KCNAB1: variants seen among roughly 807,000 people sequenced by gnomAD.
KCNAB1 encodes potassium voltage-gated channel subfamily A regulatory beta subunit 1.
Under a neutral mutation model 64.6 loss-of-function variants are expected in KCNAB1, and 35 were observed. The ratio of observed to expected loss-of-function variants is 0.54; its 90% CI spans 0.41 to 0.72. The LOEUF (loss-of-function observed/expected upper bound fraction) is 0.72, where lower values mean the gene tolerates loss of function less well. KCNAB1 is among the 30% of genes least tolerant of loss of function. The pLI, the probability that KCNAB1 is intolerant of heterozygous loss-of-function variation, is 0.00. For missense variants in KCNAB1, 401 were observed against 512.9 expected, an observed-to-expected ratio of 0.78 and a Z score of 2.11; for synonymous variants, 177 against 183.8, an observed-to-expected ratio of 0.96 and a Z score of 0.30.
intron 1 of KCNAB1, among the ~76,000 whole-genome samples, chr3:156,197,161 C>T (rs917787682): frequency 1.3e-5 from 2 of 152,132 alleles, no homozygotes; most frequent in African/African-American, 2.4e-5. Context: ...CTGACTTGAT[C>T]GTGATGGATA....
intron 1 of KCNAB1, among the ~76,000 whole-genome samples, chr3:156,218,413 T>G (rs1715460988): frequency 6.6e-6 from 1 of 152,190 alleles, no homozygotes; most frequent in Admixed American, 6.5e-5. Flanking sequence ...CTACCTGCCC[T>G]GGCAGCTGAA....
At chr3:156,406,377 A>G (rs554591056) in intron 1 of KCNAB1, among the ~76,000 whole-genome samples, 1 of 152,238 alleles carries the variant, frequency 6.6e-6, no homozygotes, top group South Asian at 2.1e-4. Flanking sequence ...AGAAGCACGC[A>G]AGCTTGTGGG....
intron 1 of KCNAB1, among the ~76,000 whole-genome samples, chr3:156,128,419 A>T (rs1262433002): frequency 2.0e-5 from 3 of 152,220 alleles, no homozygotes; most frequent in Non-Finnish European, 4.4e-5. Context: ...TGATTTTCAA[A>T]GTGTGTTATT....
intron 1 of KCNAB1, among the ~76,000 whole-genome samples, chr3:156,245,038 G>T (rs1326405833): frequency 6.6e-6 from 1 of 152,172 alleles, no homozygotes; most frequent in Non-Finnish European, 1.5e-5. Context: ...TTCTAAAAGG[G>T]TCATTATCAG....
intron 1 of KCNAB1, among the ~76,000 whole-genome samples, chr3:156,156,282 T>C (rs1715713359): frequency 1.3e-5 from 2 of 150,054 alleles, no homozygotes; most frequent in African/African-American, 4.8e-5. Flanking sequence ...AATAGGCACA[T>C]TGTACAAAAA....
chr3:156,523,611 T>C lies in KCNAB1; in HGVS notation c.961-216T>C, dbSNP rs533594165. 232 of 494,130 alleles carry C rather than the reference T, an allele frequency of 4.7e-4. 3 individuals are homozygous for C. In the South Asian group the frequency reaches 5.7e-3, roughly 12 times the overall value. The allele number at this position is 494,130 out of a possible 1,614,324, so 30.6% of individuals were successfully genotyped here. A position where few individuals can be genotyped will look rare whatever the true frequency, so the allele number is the denominator to read the frequency against. ...TGTGCAGGCTGATCAATTTGAATGGTGAATATTAGTCAAAATCAATCTGTT... is the reference window on the plus strand; with the variant it reads ...TGTGCAGGCTGATCAATTTGAATGGCGAATATTAGTCAAAATCAATCTGTT... On this transcript the variant is annotated intron_variant, in intron 11 of 13. Transcript: ENST00000490337.
At chr3:156,471,324 A>T (rs1421844193) in intron 7 of KCNAB1, among the ~76,000 whole-genome samples, 2 of 152,242 alleles carry the variant, frequency 1.3e-5, no homozygotes, top group Non-Finnish European at 2.9e-5. Context: ...GTTCTTGTTA[A>T]ACTTTGGAAC....
In KCNAB1 at chr3:156,538,026, G is replaced by A. The variant is rs181718484; in HGVS notation, c.*1279G>A. On this transcript the variant is annotated 3_prime_UTR_variant, in exon 14 of 14. Coordinates refer to ENST00000490337, the MANE Select transcript of KCNAB1 (RefSeq NM_172160.3). Reference sequence around the variant, plus strand: ...AATGGGGCTTACCCTTGTTGCACTCGAAATCTGAGGTGTATCTAGCCCTGC... The same window carrying A: ...AATGGGGCTTACCCTTGTTGCACTCAAAATCTGAGGTGTATCTAGCCCTGC... 4 of 152,280 alleles carry A rather than the reference G, an allele frequency of 2.6e-5. No homozygotes were observed. The highest frequency in any genetic ancestry group is 2.0e-4 in the Admixed American group (3 of 15,298). 9.4% of individuals were successfully genotyped at this position (152,280 alleles called of 1,614,324 possible).
At chr3:156,265,529 T>C (rs1324683017) in intron 1 of KCNAB1, among the ~76,000 whole-genome samples, 1 of 152,230 alleles carries the variant, frequency 6.6e-6, no homozygotes, top group Non-Finnish European at 1.5e-5. Context: ...TGATTCTCCA[T>C]ACCTGAGCCA....
intron 1 of KCNAB1, among the ~76,000 whole-genome samples, chr3:156,122,523 TC>T (rs1713409626): frequency 1.3e-5 from 2 of 152,222 alleles, no homozygotes; most frequent in Non-Finnish European, 2.9e-5. Context: ...AAATATCTGC[TC>T]TTTTCTGCTT....
At chr3:156,421,324 A>G (rs1715451440) in intron 1 of KCNAB1, among the ~76,000 whole-genome samples, 1 of 152,186 alleles carries the variant, frequency 6.6e-6, no homozygotes, top group South Asian at 2.1e-4. Flanking sequence ...CTAGAAGGAG[A>G]GAGAAAGCCA....
chr3:156,309,261 T>C (rs1721724244), intron 1 of KCNAB1, among the ~76,000 whole-genome samples: 1 of 152,240 alleles, frequency 6.6e-6, no homozygotes. Flanking sequence ...AAATCTGACT[T>C]GTCTGAGTTT....
chr3:156,397,545 G>A (rs1576815359), intron 1 of KCNAB1, among the ~76,000 whole-genome samples: 1 of 152,270 alleles, frequency 6.6e-6, no homozygotes, highest in East Asian at 1.9e-4. Flanking sequence ...CTATGTGACA[G>A]TGCTCCCTGC....
At chr3:156,465,720 G>C in intron 7 of KCNAB1, 34 bp downstream of exon 7, 1 of 1,560,164 alleles carries the variant, frequency 6.4e-7, no homozygotes, top group South Asian at 1.1e-5. Flanking sequence ...ATTTTTGGTT[G>C]TGGGCCCCTC....
At chr3:156,206,762 T>C (rs1261783756) in intron 1 of KCNAB1, among the ~76,000 whole-genome samples, 1 of 152,240 alleles carries the variant, frequency 6.6e-6, no homozygotes, top group Admixed American at 6.5e-5. Context: ...CTTGTAGTTT[T>C]TCCTAAGTAT....
At chr3:156,194,468 A>G (rs1271505498) in intron 1 of KCNAB1, among the ~76,000 whole-genome samples, 1 of 152,040 alleles carries the variant, frequency 6.6e-6, no homozygotes, top group Non-Finnish European at 1.5e-5. Context: ...TTTGAATATA[A>G]TGTGTTTGTT....
intron 1 of KCNAB1, among the ~76,000 whole-genome samples, chr3:156,160,798 C>T (rs1716029298): frequency 6.6e-5 from 10 of 152,162 alleles, no homozygotes; most frequent in Admixed American, 6.5e-4. Flanking sequence ...GCTTTGTTCG[C>T]TGCATTCTGG....
intron 8 of KCNAB1, among the ~76,000 whole-genome samples, chr3:156,475,482 G>A (rs1714275871): frequency 6.6e-6 from 1 of 152,158 alleles, no homozygotes; most frequent in African/African-American, 2.4e-5. Flanking sequence ...TAGTTTGAGA[G>A]GCTGAGGATG....
chr3:156,396,316 TAG>T (rs776973744), intron 1 of KCNAB1, among the ~76,000 whole-genome samples: 1 of 152,144 alleles, frequency 6.6e-6, no homozygotes, highest in Non-Finnish European at 1.5e-5. Context: ...AAAAAGAAAA[TAG>T]AAACAACATT....
Sources: allele counts gnomAD v4.1 joint callset (sites outside exome capture counted in the v4.1 genomes callset), GRCh38; gene constraint gnomAD v4.1.1; transcripts MANE v1.5; gene names NCBI Gene and HGNC (gene_info 2026-07-23, HGNC 2026-07-21).